The following SHISA9 variants were observed in gnomAD, a reference collection of about 807,000 sequenced individuals.
SHISA9 encodes the protein protein shisa-9.
Under a neutral mutation model 38.0 loss-of-function variants are expected in SHISA9, and 13 were observed. That is an observed-to-expected ratio of 0.34 (90% confidence interval 0.22 to 0.54). The LOEUF (loss-of-function observed/expected upper bound fraction) is 0.54, where lower values mean the gene tolerates loss of function less well. Ranked by LOEUF, SHISA9 falls within the 20% of genes least tolerant of loss-of-function variation. SHISA9 has a pLI of 0.91. For missense variants in SHISA9, 538 were observed against 575.8 expected, an observed-to-expected ratio of 0.93 and a Z score of 0.67; for synonymous variants, 275 against 242.0, an observed-to-expected ratio of 1.14 and a Z score of -1.27.
the SHISA9 span, among the ~76,000 whole-genome samples, chr16:13,289,256 A>G: frequency 1.3e-5 from 2 of 151,846 alleles, no homozygotes; most frequent in African/African-American, 2.4e-5. Flanking sequence ...CCTCTGGCTA[A>G]AAAGGTGGGC....
At chr16:13,545,757 T>C in the SHISA9 span, among the ~76,000 whole-genome samples, 2 of 152,158 alleles carry the variant, frequency 1.3e-5, no homozygotes, top group African/African-American at 4.8e-5. Flanking sequence ...CTCCCTCTTC[T>C]TTTGTATCAG....
At chr16:13,417,829 A>G in the SHISA9 span, among the ~76,000 whole-genome samples, 6 of 152,244 alleles carry the variant, frequency 3.9e-5, no homozygotes, top group African/African-American at 7.2e-5. Context: ...GAAGAAGGGC[A>G]TGGTGGTGAC....
At chr16:12,953,410 C>A (rs896780446) in intron 2 of SHISA9, among the ~76,000 whole-genome samples, 1 of 152,178 alleles carries the variant, frequency 6.6e-6, no homozygotes, top group African/African-American at 2.4e-5. Flanking sequence ...AAAGATGAAG[C>A]TGTTGGCCAA....
chr16:12,996,131 C>G (rs2072454300), intron 2 of SHISA9, among the ~76,000 whole-genome samples: 1 of 152,188 alleles, frequency 6.6e-6, no homozygotes, highest in African/African-American at 2.4e-5. Context: ...TTTTTGATGA[C>G]AGTCTACAAC....
chr16:13,416,855 A>C, the SHISA9 span, among the ~76,000 whole-genome samples: 13 of 151,232 alleles, frequency 8.6e-5, no homozygotes, highest in Admixed American at 8.6e-4. Context: ...AAGAGAGGGA[A>C]GAAGGGAGGG....
At chr16:12,935,892 T>C (rs1596537842) in intron 2 of SHISA9, among the ~76,000 whole-genome samples, 1 of 144,492 alleles carries the variant, frequency 6.9e-6, no homozygotes, top group Admixed American at 6.9e-5. Context: ...AGATGGAGGA[T>C]ATATTGAGGG....
the SHISA9 span, among the ~76,000 whole-genome samples, chr16:13,303,767 A>T: frequency 6.6e-6 from 1 of 152,298 alleles, no homozygotes; most frequent in East Asian, 1.9e-4. Context: ...CCAAATTTTT[A>T]AAAAAGGAAT....
At chr16:13,539,046 C>G in the SHISA9 span, among the ~76,000 whole-genome samples, 1 of 151,630 alleles carries the variant, frequency 6.6e-6, no homozygotes, top group African/African-American at 2.4e-5. Flanking sequence ...AACATGAGTC[C>G]CAATGTTTTC....
At position 13,236,101 on chromosome 16, in the gene SHISA9, G is replaced by A. The variant is rs188275901; in HGVS notation, c.*692G>A. The A allele has an allele frequency of 6.6e-6, 1 of 152,088 alleles. No individual in the cohort carries two copies. The highest frequency in any genetic ancestry group is 2.4e-5 in the African/African-American group (1 of 41,450). The allele number at this position is 152,088 out of a possible 1,614,324, so 9.4% of individuals were successfully genotyped here. ...CCCTCAAACTCACAGAAAGTAAATA[G>A]ACCCTGAACCCACCGACAATGATGG... On this transcript the variant is annotated 3_prime_UTR_variant, in exon 5 of 5. Transcript: ENST00000558583.
At chr16:13,439,918 C>T in the SHISA9 span, among the ~76,000 whole-genome samples, 3 of 152,126 alleles carry the variant, frequency 2.0e-5, no homozygotes, top group African/African-American at 7.2e-5. Flanking sequence ...ATTAGAAGGG[C>T]AGTGATCTCA....
At chr16:13,263,627 T>C in the SHISA9 span, among the ~76,000 whole-genome samples, 1 of 152,194 alleles carries the variant, frequency 6.6e-6, no homozygotes, top group African/African-American at 2.4e-5. Flanking sequence ...AAACTTATTT[T>C]CTTATAAATT....
At chr16:13,476,740 T>G in the SHISA9 span, among the ~76,000 whole-genome samples, 23 of 99,372 alleles carry the variant, frequency 2.3e-4, no homozygotes, top group South Asian at 6.9e-4. Flanking sequence ...TGTTTTGTGT[T>G]TTTTTTTTTT....
chr16:13,086,081 G>A (rs1171220300), intron 2 of SHISA9, among the ~76,000 whole-genome samples: 6 of 152,174 alleles, frequency 3.9e-5, no homozygotes, highest in Non-Finnish European at 8.8e-5. Flanking sequence ...TCATTGGCCT[G>A]TCACAGTGGC....
intron 2 of SHISA9, among the ~76,000 whole-genome samples, chr16:12,932,784 G>T (rs539437828): frequency 5.9e-5 from 9 of 152,284 alleles, no homozygotes; most frequent in Admixed American, 2.0e-4. Flanking sequence ...TTTCATTTTG[G>T]GTGTTGTCAC....
At chr16:12,986,699 A>G (rs2072314468) in intron 2 of SHISA9, among the ~76,000 whole-genome samples, 1 of 152,236 alleles carries the variant, frequency 6.6e-6, no homozygotes, top group Non-Finnish European at 1.5e-5. Flanking sequence ...GTAACAGCTA[A>G]CATTTAGGAA....
the SHISA9 span, among the ~76,000 whole-genome samples, chr16:13,297,354 A>G: frequency 6.6e-6 from 1 of 152,152 alleles, no homozygotes; most frequent in African/African-American, 2.4e-5. Flanking sequence ...TGGCCATATA[A>G]TTTTTTAGGA....
At chr16:13,244,983 A>C (rs943807944), downstream of SHISA9, among the ~76,000 whole-genome samples, 7 of 152,118 alleles carry the variant, frequency 4.6e-5, no homozygotes, top group African/African-American at 1.7e-4. Context: ...TGGAGCAATC[A>C]CAGCTCACTG....
intron 2 of SHISA9, among the ~76,000 whole-genome samples, chr16:13,157,153 C>T (rs192564470): frequency 5.3e-5 from 8 of 152,218 alleles, no homozygotes; most frequent in South Asian, 2.1e-4. Context: ...ATCCATCATC[C>T]GTCCATCCCC....
intron 2 of SHISA9, among the ~76,000 whole-genome samples, chr16:13,126,903 GGA>G (rs143906616): frequency 1.1e-4 from 13 of 117,810 alleles, no homozygotes; most frequent in South Asian, 6.1e-4. Context: ...ACTGAAAGAA[GGA>G]GAGAGAGAGA....
Sources: allele counts gnomAD v4.1 joint callset (sites outside exome capture counted in the v4.1 genomes callset), GRCh38; gene constraint gnomAD v4.1.1; transcripts MANE v1.5; gene names NCBI Gene and HGNC (gene_info 2026-07-23, HGNC 2026-07-21).